The following GRAMD1B variants were observed in gnomAD, a reference collection of about 807,000 sequenced individuals.
The protein encoded by GRAMD1B is GRAM domain containing 1B.
In GRAMD1B, 37 loss-of-function variants were observed where a neutral mutation model predicts 99.7. The ratio of observed to expected loss-of-function variants is 0.37; its 90% confidence interval spans 0.29 to 0.49. The LOEUF is 0.49. Among genes scored for constraint, GRAMD1B ranks in the 20% least tolerant of loss-of-function variants. The probability of loss-of-function intolerance (pLI) is 0.98; values close to 1 mark genes in which losing one functional copy is unlikely to be tolerated. For synonymous variants in GRAMD1B, 427 were observed against 387.6 expected, an observed-to-expected ratio of 1.10 and a Z score of -1.19; for missense variants, 888 against 1,009.2, an observed-to-expected ratio of 0.88 and a Z score of 1.63.
chr11:123,418,649 A>G (rs1948316803), intron 1 of GRAMD1B, among the ~76,000 whole-genome samples: 1 of 152,192 alleles, frequency 6.6e-6, no homozygotes, highest in Admixed American at 6.5e-5. Flanking sequence ...TCTAAGGAAT[A>G]TTGTGACCAC....
chr11:123,506,765 C>T (rs1317733184), intron 2 of GRAMD1B, among the ~76,000 whole-genome samples: 2 of 130,572 alleles, frequency 1.5e-5, no homozygotes. Flanking sequence ...TCTCTCCCAC[C>T]CTGTTTTCTC....
At chr11:123,481,148 A>C (rs1248829597) in intron 2 of GRAMD1B, among the ~76,000 whole-genome samples, 1 of 152,112 alleles carries the variant, frequency 6.6e-6, no homozygotes, top group Non-Finnish European at 1.5e-5. Context: ...TGGCAAACCA[A>C]ATAGGTTGAA....
intron 2 of GRAMD1B, among the ~76,000 whole-genome samples, chr11:123,486,827 G>A (rs76512244): frequency 0.012 from 1,808 of 152,188 alleles, 50 homozygotes; most frequent in African/African-American, 0.042. Flanking sequence ...CCCAGCAATC[G>A]GGGAAGCCGA....
At chr11:123,398,383 A>G (rs1238545699) in intron 1 of GRAMD1B, among the ~76,000 whole-genome samples, 1 of 152,230 alleles carries the variant, frequency 6.6e-6, no homozygotes, top group Non-Finnish European at 1.5e-5. Flanking sequence ...CAATTGCATC[A>G]TAAGAGCTCA....
At chr11:123,516,482 G>A (rs770913883) in intron 2 of GRAMD1B, among the ~76,000 whole-genome samples, 34 of 152,190 alleles carry the variant, frequency 2.2e-4, no homozygotes, top group Non-Finnish European at 4.1e-4. Context: ...GTAGCAATAT[G>A]TTCCGAAGGC....
chr11:123,431,501 A>G (rs1319232017), intron 1 of GRAMD1B, among the ~76,000 whole-genome samples: 1 of 152,266 alleles, frequency 6.6e-6, no homozygotes, highest in Non-Finnish European at 1.5e-5. Flanking sequence ...TGTGCGGGCC[A>G]CTATGTTGCG....
At position 123,530,809 on chromosome 11, in the gene GRAMD1B, TG is replaced by T. The variant is rs548074667; in HGVS notation, c.453-46554del. On this transcript the variant is annotated intron_variant, in intron 2 of 19. Coordinates refer to ENST00000635736, the MANE Select transcript of GRAMD1B (RefSeq NM_001387025.1). Reference sequence around the variant, plus strand: ...TCAGGAGGTGAGTTGCGGTGAAGGTTGGGGTCACTTCATGGCTTGAGACTTT... The same window carrying T: ...TCAGGAGGTGAGTTGCGGTGAAGGTTGGGTCACTTCATGGCTTGAGACTTT... Among the ~76,000 whole-genome samples, 662 of 152,264 alleles carry T rather than the reference TG, an allele frequency of 4.3e-3. 1 individual carries two copies. The highest frequency in any genetic ancestry group is 0.015 in the African/African-American group (629 of 41,562).
intron 2 of GRAMD1B, among the ~76,000 whole-genome samples, chr11:123,507,948 T>A (rs1048163738): frequency 3.3e-5 from 5 of 152,158 alleles, no homozygotes; most frequent in Non-Finnish European, 5.9e-5. Flanking sequence ...TGGGGTTGAG[T>A]CTCAGTTCTG....
chr11:123,588,613 G>T (rs1035279101), intron 4 of GRAMD1B, among the ~76,000 whole-genome samples: 8 of 152,142 alleles, frequency 5.3e-5, no homozygotes, highest in African/African-American at 1.7e-4. Context: ...GACTTGCTAC[G>T]TTTGCCTGCC....
intron 2 of GRAMD1B, among the ~76,000 whole-genome samples, chr11:123,543,896 A>G (rs1164511757): frequency 2.0e-5 from 3 of 152,210 alleles, no homozygotes; most frequent in Admixed American, 6.5e-5. Context: ...AACAGAGTTC[A>G]GTAGTTAGGA....
chr11:123,582,775 G>A (rs1395162241), intron 3 of GRAMD1B, among the ~76,000 whole-genome samples: 11 of 152,210 alleles, frequency 7.2e-5, no homozygotes, highest in Non-Finnish European at 1.5e-4. Context: ...ACCCTTGTGC[G>A]TAGTCGCTTC....
chr11:123,560,522 A>T, intron 2 of GRAMD1B: 1 of 1,269,250 alleles, frequency 7.9e-7, no homozygotes. Flanking sequence ...TGGGATGGTC[A>T]TGGAGGTGAG....
intron 1 of GRAMD1B, among the ~76,000 whole-genome samples, chr11:123,438,925 A>G (rs1005298540): frequency 6.6e-6 from 1 of 152,240 alleles, no homozygotes; most frequent in Non-Finnish European, 1.5e-5. Flanking sequence ...GCAGGTGTTT[A>G]GACCTGGGGC....
At chr11:123,425,185 G>T (rs1380077067) in intron 1 of GRAMD1B, among the ~76,000 whole-genome samples, 1 of 152,152 alleles carries the variant, frequency 6.6e-6, no homozygotes, top group Non-Finnish European at 1.5e-5. Context: ...GATGGAAACA[G>T]GTCCAAAACT....
chr11:123,382,838 G>A (rs933263306), intron 1 of GRAMD1B, among the ~76,000 whole-genome samples: 1 of 152,188 alleles, frequency 6.6e-6, no homozygotes, highest in Non-Finnish European at 1.5e-5. Context: ...CTGTGGCCTT[G>A]GGTGCAGAGA....
chr11:123,539,753 C>T (rs1267057989), intron 2 of GRAMD1B, among the ~76,000 whole-genome samples: 1 of 152,190 alleles, frequency 6.6e-6, no homozygotes, highest in Non-Finnish European at 1.5e-5. Context: ...CTTATTGCAG[C>T]TACCGACACC....
Position 123,582,573 on chromosome 11 carries a change from G to C in GRAMD1B, c.664-1739G>C, listed in dbSNP as rs150272063. Among the ~76,000 whole-genome samples, 241 of 152,184 alleles carry C rather than the reference G, an allele frequency of 1.6e-3. 1 individual carries two copies. The highest frequency in any genetic ancestry group is 5.4e-3 in the African/African-American group (223 of 41,508). ...GCTACTGGCCTCTAGTCACATCCTG[G>C]CCATCGAGGGCATGTGTGAGGACGA... On this transcript the variant is annotated intron_variant, in intron 3 of 19. Transcript: ENST00000635736.
At chr11:123,462,703 C>T (rs1468580433) in intron 1 of GRAMD1B, among the ~76,000 whole-genome samples, 1 of 152,100 alleles carries the variant, frequency 6.6e-6, no homozygotes, top group Non-Finnish European at 1.5e-5. Flanking sequence ...TAAGAGTCAT[C>T]ACCAATCCCT....
chr11:123,555,458 C>T (rs929343310), intron 2 of GRAMD1B, among the ~76,000 whole-genome samples: 17 of 152,148 alleles, frequency 1.1e-4, no homozygotes, highest in Non-Finnish European at 1.3e-4. Context: ...AAGCAACTCT[C>T]CTGCCTCAGC....
Sources: allele counts gnomAD v4.1 joint callset (sites outside exome capture counted in the v4.1 genomes callset), GRCh38; gene constraint gnomAD v4.1.1; transcripts MANE v1.5; gene names NCBI Gene and HGNC (gene_info 2026-07-23, HGNC 2026-07-21).